Variants in TIPIN observed in about 807,000 individuals in gnomAD.
TIPIN encodes the protein TIMELESS interacting protein.
A neutral mutation model predicts 35.6 loss-of-function variants in TIPIN; 29 were observed. The ratio of observed to expected loss-of-function variants is 0.82; its 90% CI spans 0.61 to 1.11. TIPIN has a LOEUF of 1.11. TIPIN is among the 50% of genes most tolerant of loss of function. TIPIN has a pLI of 0.00. For synonymous variants in TIPIN, 102 were observed against 121.5 expected (o/e 0.84, Z 1.06); for missense variants, 296 against 345.4 (o/e 0.86, Z 1.13).
chr15:66,366,947 C>G, intron 1 of TIPIN: 1 of 953,472 alleles, frequency 1.0e-6, no homozygotes, highest in Non-Finnish European at 1.2e-6. Context: ...TTTGGGAGGC[C>G]AAGGCAGGTG....
At chr15:66,344,413 C>T (rs1458449969) in intron 6 of TIPIN, among the ~76,000 whole-genome samples, 1 of 150,896 alleles carries the variant, frequency 6.6e-6, no homozygotes. Flanking sequence ...AAGACCTCGT[C>T]TCTATTACAA....
intron 1 of TIPIN, among the ~76,000 whole-genome samples, chr15:66,386,215 G>T (rs964662557): frequency 6.6e-6 from 1 of 152,086 alleles, no homozygotes; most frequent in East Asian, 1.9e-4. Flanking sequence ...TCGCTTGAAC[G>T]TGGGAGGCAG....
chr15:66,371,517 T>G (rs2093277554), intron 1 of TIPIN: 4 of 445,008 alleles, frequency 9.0e-6, no homozygotes, highest in Non-Finnish European at 1.2e-5. Context: ...GGTAATTGTT[T>G]CTTTTTTTTT....
At chr15:66,386,239 C>T (rs1057457126) in intron 1 of TIPIN, among the ~76,000 whole-genome samples, 8 of 151,244 alleles carry the variant, frequency 5.3e-5, no homozygotes, top group African/African-American at 1.9e-4. Flanking sequence ...TGGTAGTTAG[C>T]GGAGATCGCG....
Position 66,336,929 on chromosome 15 carries a change from TAA to T in TIPIN, c.*27_*28del. 1 of 1,593,684 alleles carries T rather than the reference TAA, an allele frequency of 6.3e-7. No individual in the cohort carries two copies. Among genetic ancestry groups the T allele is most frequent in the Non-Finnish European group, 8.6e-7 (1 of 1,164,690 alleles). ...ACGCCAAGCTTGCAGGACGATGACT[TAA>T]CAGATACATTTTCTCTTAATGGAAA... is the stretch of plus-strand genomic sequence containing the variant. On this transcript the variant is annotated 3_prime_UTR_variant, in exon 8 of 8. Coordinates refer to ENST00000261881, the MANE Select transcript of TIPIN (RefSeq NM_017858.3).
chr15:66,379,534 T>C (rs1480602918), intron 1 of TIPIN: 1 of 1,610,498 alleles, frequency 6.2e-7, no homozygotes, highest in Non-Finnish European at 8.5e-7. Flanking sequence ...CCTGGTCTCA[T>C]CCGCACCCTG....
chr15:66,376,164 T>C (rs2093296114), intron 1 of TIPIN, among the ~76,000 whole-genome samples: 1 of 152,186 alleles, frequency 6.6e-6, no homozygotes, highest in Non-Finnish European at 1.5e-5. Context: ...TACTACACAA[T>C]GTTCTGCTCC....
At chr15:66,372,669 G>A (rs2093281779) in intron 1 of TIPIN, among the ~76,000 whole-genome samples, 1 of 152,212 alleles carries the variant, frequency 6.6e-6, no homozygotes, top group Admixed American at 6.6e-5. Flanking sequence ...ACTTTGGGAT[G>A]CCAAGGCAGG....
intron 1 of TIPIN, among the ~76,000 whole-genome samples, chr15:66,356,070 CCAG>C: frequency 6.6e-6 from 1 of 152,228 alleles, no homozygotes; most frequent in Admixed American, 6.5e-5. Context: ...TCTCCAACTC[CCAG>C]AAGAGTGAAG....
chr15:66,356,539 G>T, intron 1 of TIPIN, 100 bp downstream of exon 1: 1 of 912,088 alleles, frequency 1.1e-6, no homozygotes, highest in Non-Finnish European at 1.3e-6. Context: ...AGGCTTTCCC[G>T]CTAGTCTGTC....
intron 1 of TIPIN, chr15:66,366,969 T>G: frequency 1.2e-6 from 1 of 858,372 alleles, no homozygotes; most frequent in South Asian, 5.3e-5. Flanking sequence ...TCACTCGAGG[T>G]CAGGAGTTTG....
intron 7 of TIPIN, 78 bp downstream of exon 7, chr15:66,341,072 G>A (rs925604620): frequency 7.8e-7 from 1 of 1,285,832 alleles, no homozygotes; most frequent in Non-Finnish European, 1.1e-6. Flanking sequence ...TTATTTTGGG[G>A]GCTAGCAGAG....
intron 1 of TIPIN, among the ~76,000 whole-genome samples, chr15:66,384,865 T>C (rs1379831903): frequency 1.3e-5 from 2 of 152,074 alleles, no homozygotes; most frequent in Non-Finnish European, 2.9e-5. Context: ...TGAGCCAAGG[T>C]TGCGCCATTG....
intron 1 of TIPIN, among the ~76,000 whole-genome samples, chr15:66,363,136 G>C (rs530220671): frequency 6.6e-6 from 1 of 152,198 alleles, no homozygotes; most frequent in African/African-American, 2.4e-5. Context: ...CCAGCACTTT[G>C]GGAATCTGAA....
upstream of TIPIN, among the ~76,000 whole-genome samples, chr15:66,358,410 C>T (rs951243894): frequency 6.6e-6 from 1 of 151,800 alleles, no homozygotes; most frequent in African/African-American, 2.4e-5. Context: ...TTATTCTCTC[C>T]ACTTTTCTTT....
chr15:66,379,058 G>GTT (rs961169705), intron 1 of TIPIN, among the ~76,000 whole-genome samples: 6 of 147,108 alleles, frequency 4.1e-5, no homozygotes, highest in South Asian at 2.1e-4. Flanking sequence ...CGTGCACAAA[G>GTT]TTTTTTTTTT....
At chr15:66,360,327 C>T (rs139352868), upstream of TIPIN, among the ~76,000 whole-genome samples, 30 of 152,116 alleles carry the variant, frequency 2.0e-4, no homozygotes, top group African/African-American at 4.3e-4. Context: ...AGATTTTGGC[C>T]GGGCATAGTG....
chr15:66,385,224 C>T (rs980881271), intron 1 of TIPIN, among the ~76,000 whole-genome samples: 1 of 152,212 alleles, frequency 6.6e-6, no homozygotes, highest in Non-Finnish European at 1.5e-5. Flanking sequence ...TGTTCAAGCC[C>T]TCTTCATTTT....
intron 1 of TIPIN, among the ~76,000 whole-genome samples, chr15:66,354,431 C>T (rs1402340452): frequency 1.3e-5 from 2 of 152,184 alleles, no homozygotes; most frequent in Non-Finnish European, 2.9e-5. Flanking sequence ...CTGTCTATTT[C>T]TCCTTATCTC....
Sources: allele counts gnomAD v4.1 joint callset (sites outside exome capture counted in the v4.1 genomes callset), GRCh38; gene constraint gnomAD v4.1.1; transcripts MANE v1.5; gene names NCBI Gene and HGNC (gene_info 2026-07-23, HGNC 2026-07-21).